The following PTP4A1 variants were observed in gnomAD, a reference collection of about 807,000 sequenced individuals.
PTP4A1 encodes protein tyrosine phosphatase 4A1, also known as protein tyrosine phosphatase type IVA 1.
Under a neutral mutation model 20.5 loss-of-function variants are expected in PTP4A1, and 9 were observed. That is an observed-to-expected ratio of 0.44 (90% confidence interval 0.26 to 0.77). PTP4A1 has a LOEUF of 0.77. Among genes scored for constraint, PTP4A1 ranks in the 30% least tolerant of loss-of-function variants. PTP4A1 has a pLI of 0.19. For synonymous variants in PTP4A1, 78 were observed against 67.4 expected (o/e 1.16, Z -0.77); for missense variants, 137 against 218.8 (o/e 0.63, Z 2.36).
At position 63,576,953 on chromosome 6, in the gene PTP4A1, C is replaced by A; in HGVS notation, c.73C>A (p.Pro25Thr). The change falls in exon 2 of 6, where the codon CCA becomes ACA. Residue 25 changes from proline (P) to threonine (T), a missense_variant. Physicochemically the swap from Pro to Thr is conservative, Grantham distance 38. Coordinates refer to ENST00000626021, the MANE Select transcript of PTP4A1 (RefSeq NM_003463.5). Reference sequence around the variant, plus strand: ...CATGAGATTTCTTATTACACACAATCCAACCAATGCGACCTTAAACAAATT... The same window carrying A: ...CATGAGATTTCTTATTACACACAATACAACCAATGCGACCTTAAACAAATT... Reference protein sequence around the residue: ...KNMRFLITHNPTNATLNKFIE... With the variant: ...KNMRFLITHNTTNATLNKFIE... 6.2e-7 allele frequency: 1 copy of A among 1,613,916 alleles called. No individual in the cohort carries two copies. The highest frequency in any genetic ancestry group is 8.5e-7 in the Non-Finnish European group (1 of 1,179,884).
rs1469910332 is a variant in PTP4A1 at position 63,578,442 on chromosome 6, T to A, written c.111T>A (p.Leu37=). The A allele has an allele frequency of 1.2e-6, 2 of 1,603,084 alleles. No homozygotes were observed. The highest frequency in any genetic ancestry group is 1.7e-6 in the Non-Finnish European group (2 of 1,177,274). Residue 37 remains leucine, a synonymous_variant, in exon 3 of 6, where the codon CTT becomes CTA. Coordinates refer to ENST00000626021, the MANE Select transcript of PTP4A1 (RefSeq NM_003463.5). ...NATLNKFIEE[L]KKYGVTTIVR... is the part of the protein sequence containing the mutation. ...TTAATGTACGTTTTATCCAGGAACT[T>A]AAGAAGTATGGAGTTACCACAATAG...
chr6:63,544,049 G>A (rs1179766903), intron 2 of PTP4A1, among the ~76,000 whole-genome samples: 4 of 152,000 alleles, frequency 2.6e-5, no homozygotes, highest in African/African-American at 4.8e-5. Flanking sequence ...CCCCAACCCC[G>A]TATTTCATGT....
chr6:63,552,872 C>G (rs1344487524), intron 3 of PTP4A1, among the ~76,000 whole-genome samples: 3 of 152,096 alleles, frequency 2.0e-5, no homozygotes, highest in Admixed American at 6.5e-5. Context: ...TCTGAGGGCT[C>G]TGTTCTGTAT....
At chr6:63,527,079 T>C (rs1413675737) in intron 1 of PTP4A1, among the ~76,000 whole-genome samples, 2 of 152,092 alleles carry the variant, frequency 1.3e-5, no homozygotes, top group Non-Finnish European at 2.9e-5. Context: ...GTTTCTTTTA[T>C]CTGAGAGTCC....
rs542556466 is a variant in PTP4A1, at chr6:63,577,036, G to T, written c.105+51G>T. 4.3e-6 allele frequency: 6 copies of T among 1,397,382 alleles called. No homozygotes were observed. The South Asian group carries it at 4.9e-5, about 11-fold the overall frequency. 86.6% of individuals were successfully genotyped at this position (1,397,382 alleles called of 1,614,324 possible). A position where few individuals can be genotyped will look rare whatever the true frequency, so the allele number is the denominator to read the frequency against. ...TTAAATTGATTGCAATATAATAGTG[G>T]GACTTATAGCTAACAAAATAAAAAC... On this transcript the variant is annotated intron_variant, in intron 2 of 5. Coordinates refer to ENST00000626021, the MANE Select transcript of PTP4A1 (RefSeq NM_003463.5).
At chr6:63,523,465 C>T (rs1375303244) in intron 1 of PTP4A1, among the ~76,000 whole-genome samples, 1 of 151,944 alleles carries the variant, frequency 6.6e-6, no homozygotes, top group Non-Finnish European at 1.5e-5. Context: ...GAGCCATGAT[C>T]GTGCCACTGC....
At chr6:63,538,490 G>C (rs1484496183) in intron 2 of PTP4A1, among the ~76,000 whole-genome samples, 1 of 152,160 alleles carries the variant, frequency 6.6e-6, no homozygotes, top group Non-Finnish European at 1.5e-5. Context: ...GAGACACTAA[G>C]TGATAAAGTT....
intron 3 of PTP4A1, among the ~76,000 whole-genome samples, chr6:63,565,631 C>CA (rs1337423183): frequency 2.0e-5 from 3 of 152,252 alleles, no homozygotes; most frequent in African/African-American, 7.2e-5. Context: ...TCTGACTCAA[C>CA]AAAACACAGT....
intron 2 of PTP4A1, among the ~76,000 whole-genome samples, chr6:63,547,910 A>T (rs530783709): frequency 1.2e-4 from 18 of 152,276 alleles, no homozygotes; most frequent in African/African-American, 4.3e-4. Context: ...CACAAATTTG[A>T]TTTAAGGCTT....
intron 2 of PTP4A1, among the ~76,000 whole-genome samples, chr6:63,542,444 T>G (rs1776023450): frequency 6.6e-6 from 1 of 152,048 alleles, no homozygotes; most frequent in South Asian, 2.1e-4. Context: ...AAAACTCTCC[T>G]TTGAACTCAA....
chr6:63,565,727 T>G (rs1359351344), intron 3 of PTP4A1, among the ~76,000 whole-genome samples: 1 of 152,212 alleles, frequency 6.6e-6, no homozygotes, highest in African/African-American at 2.4e-5. Context: ...ATTTGCTCAT[T>G]GGAAATTTCT....
chr6:63,527,402 A>G (rs1775234952), intron 1 of PTP4A1, among the ~76,000 whole-genome samples: 1 of 152,192 alleles, frequency 6.6e-6, no homozygotes, highest in Non-Finnish European at 1.5e-5. Flanking sequence ...TGCCGAGTGA[A>G]TAAGGACCTA....
chr6:63,577,069 GAA>G, intron 2 of PTP4A1, 84 bp downstream of exon 2: 1 of 1,019,232 alleles, frequency 9.8e-7, no homozygotes, highest in Non-Finnish European at 1.5e-6. Flanking sequence ...AACTACTTTG[GAA>G]AAAATGAGAT....
upstream of PTP4A1, among the ~76,000 whole-genome samples, chr6:63,521,053 G>T (rs1774901736): frequency 6.6e-6 from 1 of 151,982 alleles, no homozygotes; most frequent in African/African-American, 2.4e-5. Context: ...TGGACACAGG[G>T]AGGTGAACAT....
At chr6:63,560,041 G>A (rs946251390) in intron 3 of PTP4A1, among the ~76,000 whole-genome samples, 2 of 152,088 alleles carry the variant, frequency 1.3e-5, no homozygotes, top group African/African-American at 2.4e-5. Flanking sequence ...GGTACCCCAC[G>A]GTAATGCATT....
chr6:63,568,685 C>G (rs892655147), upstream of PTP4A1, among the ~76,000 whole-genome samples: 1 of 151,100 alleles, frequency 6.6e-6, no homozygotes, highest in African/African-American at 2.4e-5. Flanking sequence ...ATTTGCAAAG[C>G]ACAATAAATG....
intron 2 of PTP4A1, among the ~76,000 whole-genome samples, chr6:63,531,806 A>G (rs569442882): frequency 5.9e-5 from 9 of 151,320 alleles, no homozygotes; most frequent in Admixed American, 2.0e-4. Context: ...TAACACTTTT[A>G]TCTGCATGTT....
chr6:63,535,708 A>G (rs1424620790), intron 2 of PTP4A1, among the ~76,000 whole-genome samples: 2 of 152,194 alleles, frequency 1.3e-5, no homozygotes, highest in East Asian at 3.9e-4. Flanking sequence ...GTTAGTCACA[A>G]GGATTGTGCC....
intron 2 of PTP4A1, among the ~76,000 whole-genome samples, chr6:63,545,397 G>T (rs1776139456): frequency 6.6e-6 from 1 of 152,030 alleles, no homozygotes; most frequent in Admixed American, 6.6e-5. Flanking sequence ...ATCACCTGAG[G>T]TCAGGAGCTT....
Sources: gnomAD v4.1 joint callset for allele counts (sites outside exome capture counted in the v4.1 genomes callset) on GRCh38, gnomAD v4.1.1 for gene constraint, MANE v1.5 for transcripts, NCBI Gene and HGNC (gene_info 2026-07-23, HGNC 2026-07-21) for gene names.